IL1RL2: variants seen among roughly 807,000 people sequenced by gnomAD.
IL1RL2 encodes interleukin 1 receptor like 2, also known as interleukin-1 receptor-like 2.
IL1RL2 carries 68 observed loss-of-function variants against 66.8 expected under a neutral mutation model. The observed-to-expected ratio is 1.02, with a 90% CI of 0.84 to 1.25. The LOEUF is 1.25. IL1RL2 is among the 50% of genes most tolerant of loss of function. The probability of loss-of-function intolerance (pLI) is 0.00; values close to 1 mark genes in which losing one functional copy is unlikely to be tolerated. For synonymous variants in IL1RL2, 305 were observed against 264.6 expected (o/e 1.15, Z -1.48); for missense variants, 729 against 709.3 (o/e 1.03, Z -0.32).
rs901148565 is a variant in IL1RL2 at position 102,239,917 on chromosome 2, T to C, written c.*676T>C. The C allele has an allele frequency of 5.9e-5, 9 of 152,302 alleles. No homozygotes were observed. Among genetic ancestry groups the C allele is most frequent in the Admixed American group, 4.6e-4 (7 of 15,296 alleles). 9.4% of individuals were successfully genotyped at this position (152,302 alleles called of 1,614,324 possible). On this transcript the variant is annotated 3_prime_UTR_variant, in exon 12 of 12. Transcript: ENST00000264257. ...GGACAGCGTATGCCCTTTTCTCTGT[T>C]TTTCCACAATGAACAATTAAACTGT...
intron 3 of IL1RL2, 94 bp downstream of exon 3, chr2:102,189,404 A>T: frequency 1.4e-6 from 1 of 735,386 alleles, no homozygotes; most frequent in Non-Finnish European, 2.2e-6. Context: ...TCTTGAGAAG[A>T]ATTATGTTGT....
At chr2:102,204,301 G>C (rs988716072) in intron 5 of IL1RL2, among the ~76,000 whole-genome samples, 3 of 152,032 alleles carry the variant, frequency 2.0e-5, no homozygotes, top group African/African-American at 7.2e-5. Context: ...TGACCTAACA[G>C]ATGGTCTGTC....
chr2:102,239,646 GGTAT>G lies in IL1RL2; in HGVS notation c.*406_*409del. The G allele has an allele frequency of 4.9e-6, 1 of 202,920 alleles. No individual in the cohort carries two copies. Among genetic ancestry groups the G allele is most frequent in the East Asian group, 1.0e-4 (1 of 9,638 alleles). The allele number at this position is 202,920 out of a possible 1,614,324, so 12.6% of individuals were successfully genotyped here. A position where few individuals can be genotyped will look rare whatever the true frequency, so the allele number is the denominator to read the frequency against. ...ATGGTCATAGTGGGTGAGAGCTGGGGGTATCCCTACATCATGGTGGGTGAGAGCT... is the reference window on the plus strand; with the variant it reads ...ATGGTCATAGTGGGTGAGAGCTGGGGCCCTACATCATGGTGGGTGAGAGCT... On this transcript the variant is annotated 3_prime_UTR_variant, in exon 12 of 12. Coordinates refer to ENST00000264257, the MANE Select transcript of IL1RL2 (RefSeq NM_003854.4).
Position 102,192,086 on chromosome 2 carries a change from A to G in IL1RL2, c.455A>G (p.Lys152Arg). The change falls in exon 4 of 12, where the codon AAG becomes AGG. Residue 152 changes from lysine to arginine, a missense_variant. Lys to Arg is a conservative substitution (Grantham distance 26). Transcript: ENST00000264257. ...DSLTCHLHFP[K>R]SCVLGPIKWY... ...CTCACATGTCATCTGCACTTCCCGAAGAGTTGTGTTTTGGGTCCAATAAAG... is the reference window on the plus strand; with the variant it reads ...CTCACATGTCATCTGCACTTCCCGAGGAGTTGTGTTTTGGGTCCAATAAAG... The G allele has an allele frequency of 1.2e-6, 2 of 1,600,270 alleles. No individual in the cohort carries two copies. The highest frequency in any genetic ancestry group is 1.7e-6 in the Non-Finnish European group (2 of 1,175,678).
At position 102,187,940 on chromosome 2, in the gene IL1RL2, T is replaced by C. The variant is rs1686837462; in HGVS notation, c.58+15T>C. On this transcript the variant is annotated intron_variant, in intron 2 of 11. Transcript: ENST00000264257. Reference sequence around the variant, plus strand: ...TGTCACAGCAGGTACGTTCCGTGTGTCCTCCGTTCCCAGAGGCTGCCCGAG... The same window carrying C: ...TGTCACAGCAGGTACGTTCCGTGTGCCCTCCGTTCCCAGAGGCTGCCCGAG... 1.9e-6 allele frequency: 3 copies of C among 1,612,814 alleles called. No homozygotes were observed. The highest frequency in any genetic ancestry group is 2.2e-5 in the South Asian group (2 of 91,046).
intron 6 of IL1RL2, among the ~76,000 whole-genome samples, chr2:102,214,752 AAG>A (rs1689458713): frequency 6.6e-6 from 1 of 152,188 alleles, no homozygotes; most frequent in Non-Finnish European, 1.5e-5. Context: ...TAGAAGAAAA[AAG>A]AGCCATTTCC....
At chr2:102,241,000 C>T (rs1675215849), downstream of IL1RL2, among the ~76,000 whole-genome samples, 1 of 152,276 alleles carries the variant, frequency 6.6e-6, no homozygotes, top group South Asian at 2.1e-4. Context: ...GGCGCCATTG[C>T]GCCCTCTAGT....
intron 9 of IL1RL2, among the ~76,000 whole-genome samples, chr2:102,229,335 A>C (rs888825202): frequency 6.6e-6 from 1 of 152,218 alleles, no homozygotes. Flanking sequence ...CTTTTGGAAA[A>C]TTCAGACTGA....
intron 2 of IL1RL2, among the ~76,000 whole-genome samples, chr2:102,188,716 G>A (rs1686953051): frequency 6.6e-6 from 1 of 151,990 alleles, no homozygotes; most frequent in African/African-American, 2.4e-5. Flanking sequence ...GGGTGGCAGA[G>A]CAGAAACAGA....
intron 11 of IL1RL2, among the ~76,000 whole-genome samples, chr2:102,238,965 C>A (rs1255837825): frequency 2.6e-5 from 4 of 152,180 alleles, no homozygotes; most frequent in Non-Finnish European, 4.4e-5. Flanking sequence ...ATTCACCTTT[C>A]CTCTGGGGCT....
intron 10 of IL1RL2, 49 bp from the exon 11 acceptor site, chr2:102,234,848 G>A (rs779596959): frequency 1.5e-4 from 222 of 1,517,572 alleles, no homozygotes; most frequent in East Asian, 3.2e-4. Flanking sequence ...ATTAAGACCC[G>A]GGCTGTTTTA....
intron 5 of IL1RL2, among the ~76,000 whole-genome samples, chr2:102,202,147 T>C (rs1176342024): frequency 6.6e-6 from 1 of 152,104 alleles, no homozygotes; most frequent in Non-Finnish European, 1.5e-5. Flanking sequence ...GAGTTCTGGA[T>C]ATGGTCCTGG....
At chr2:102,242,222 AT>A (rs1266607357), downstream of IL1RL2, among the ~76,000 whole-genome samples, 1 of 152,208 alleles carries the variant, frequency 6.6e-6, no homozygotes, top group African/African-American at 2.4e-5. Context: ...CATTGGGTAA[AT>A]TTATGAAAAC....
chr2:102,240,463 A>G (rs1225154017), downstream of IL1RL2, among the ~76,000 whole-genome samples: 1 of 138,064 alleles, frequency 7.2e-6, no homozygotes. Flanking sequence ...AGGCTTTCAT[A>G]TTTTTAAAAC....
chr2:102,211,961 A>G (rs1689207549), intron 5 of IL1RL2, 139 bp from the exon 6 acceptor site: 1 of 521,480 alleles, frequency 1.9e-6, no homozygotes. Context: ...TCTGGTTGAA[A>G]ATGTGTATTT....
At chr2:102,224,236 G>T (rs903113654) in intron 8 of IL1RL2, among the ~76,000 whole-genome samples, 7 of 152,110 alleles carry the variant, frequency 4.6e-5, no homozygotes, top group African/African-American at 1.7e-4. Flanking sequence ...CAAAAGAAAG[G>T]ACATTAGCAT....
chr2:102,201,582 G>C lies in IL1RL2; in HGVS notation c.516G>C (p.Arg172=), dbSNP rs531626294. Residue 172 remains arginine (R), a synonymous_variant, in exon 5 of 12, where the codon CGG becomes CGC. Transcript: ENST00000264257. The part of the protein sequence containing the change: ...YKDCNEIKGE[R]FTVLETRLLV... The stretch of plus-strand genomic sequence containing the variant: ...ACTGTAACGAGATTAAAGGGGAGCG[G>C]TTCACTGTTTTGGAAACCAGGCTTT... 1.2e-6 allele frequency: 2 copies of C among 1,613,920 alleles called. No homozygotes were observed. The highest frequency in any genetic ancestry group is 1.7e-5 in the Admixed American group (1 of 59,986).
At chr2:102,236,570 T>G (rs182080491) in intron 11 of IL1RL2, among the ~76,000 whole-genome samples, 1 of 152,342 alleles carries the variant, frequency 6.6e-6, no homozygotes, top group East Asian at 1.9e-4. Flanking sequence ...TTTTTAAAAT[T>G]TTTATTTCGG....
intron 8 of IL1RL2, among the ~76,000 whole-genome samples, chr2:102,224,109 C>T (rs537813671): frequency 2.0e-5 from 3 of 152,146 alleles, no homozygotes; most frequent in Non-Finnish European, 4.4e-5. Context: ...GGGCAGGTGG[C>T]AATAAGCTCT....
Sources: gnomAD v4.1 joint callset for allele counts (sites outside exome capture counted in the v4.1 genomes callset) on GRCh38, gnomAD v4.1.1 for gene constraint, MANE v1.5 for transcripts, NCBI Gene and HGNC (gene_info 2026-07-23, HGNC 2026-07-21) for gene names.